The following KANK2 variants were observed in gnomAD, a reference collection of about 807,000 sequenced individuals.
KANK2 encodes KN motif and ankyrin repeat domains 2, also known as KN motif and ankyrin repeat domain-containing protein 2.
In KANK2, 41 loss-of-function variants were observed where a neutral mutation model predicts 74.6. The observed-to-expected ratio is 0.55, with a 90% confidence interval of 0.43 to 0.71. KANK2 has a LOEUF of 0.71. Among genes scored for constraint, KANK2 ranks in the 30% least tolerant of loss-of-function variants. The pLI, the probability that KANK2 is intolerant of heterozygous loss-of-function variation, is 0.00. For missense variants in KANK2, 1,148 were observed against 1,196.4 expected (o/e 0.96, Z 0.60); for synonymous variants, 537 against 519.0 (o/e 1.03, Z -0.47).
intron 9 of KANK2, 72 bp from the exon 10 acceptor site, chr19:11,173,195 A>C: frequency 1.3e-6 from 2 of 1,518,810 alleles, no homozygotes; most frequent in African/African-American, 1.4e-5. Flanking sequence ...CGTGGATACC[A>C]CGTCTCGTCC....
rs762458445 is a variant in KANK2, at chr19:11,170,286, G to A, written c.2212-38C>T. 1.2e-5 allele frequency: 19 copies of A among 1,575,198 alleles called. No individual in the cohort carries two copies. On this transcript the variant is annotated intron_variant, in intron 10 of 12. Transcript: ENST00000586659. The surrounding 1 kb of genome is among the most constrained non-coding windows in gnomAD (Gnocchi z 5.2). ...AGGAACAGGATTATGGTTCATGCAG[G>A]CCCCAGGGCAGGACACCCCCTGGTC...
At chr19:11,174,416 G>C in intron 9 of KANK2, 57 bp downstream of exon 9, 1 of 1,382,250 alleles carries the variant, frequency 7.2e-7, no homozygotes, top group Non-Finnish European at 1.0e-6. Context: ...CTATCAGACT[G>C]GGCATGGCGG....
rs999616001 is a variant in KANK2 at position 11,193,147 on chromosome 19, A to G, written c.933T>C (p.Ala311=). 6.2e-7 allele frequency: 1 copy of G among 1,608,134 alleles called. No homozygotes were observed. The highest frequency in any genetic ancestry group is 8.5e-7 in the Non-Finnish European group (1 of 1,177,494). The change falls in exon 4 of 13, where the codon GCT becomes GCC. Residue 311 remains alanine (A), a synonymous_variant. Coordinates refer to ENST00000586659, the MANE Select transcript of KANK2 (RefSeq NM_001136191.3). This position sits in a 1 kb window ranked among gnomAD's most constrained non-coding sequence, Gnocchi z 9.6. ...GTGGCCAGGCCTGGGGCTGGGGGTC[A>G]GCCTGCCGGGCCTGAGCTGCCTGCA... is the stretch of plus-strand genomic sequence containing the variant. ...QELQAAQARQ[A]DPQPQAWPPP...
At chr19:11,192,794 C>CCA (rs1555820327) in intron 4 of KANK2, 37 bp downstream of exon 4, 1 of 1,593,680 alleles carries the variant, frequency 6.3e-7, no homozygotes, top group Non-Finnish European at 8.6e-7. Flanking sequence ...CCCCCCCCCC[C>CCA]CAAGCCATTC....
chr19:11,180,710 G>A (rs956428481), intron 4 of KANK2, among the ~76,000 whole-genome samples: 9 of 152,054 alleles, frequency 5.9e-5, no homozygotes, highest in East Asian at 1.9e-4. Flanking sequence ...ATAAATTCAC[G>A]TGAAACAAAC....
Position 11,194,863 on chromosome 19 carries a change from T to C in KANK2, c.-79-273A>G, listed in dbSNP as rs182239699. On this transcript the variant is annotated intron_variant, in intron 2 of 12. Transcript: ENST00000586659. ...CTGTTCCCATAGCCCAGCCTCCACA[T>C]AGCCCTGGGGCTGGGGGGCCCCAAG... is the stretch of plus-strand genomic sequence containing the variant. 123 of 207,852 alleles carry C rather than the reference T, an allele frequency of 5.9e-4. 1 individual carries two copies. The highest frequency in any genetic ancestry group is 1.9e-4 in the Admixed American group (4 of 21,296). 12.9% of individuals were successfully genotyped at this position (207,852 alleles called of 1,614,324 possible).
chr19:11,178,768 C>A (rs752433123), intron 4 of KANK2, 48 bp from the exon 5 acceptor site: 16 of 1,467,050 alleles, frequency 1.1e-5, no homozygotes, highest in South Asian at 1.5e-5. Context: ...AAAAGCCAAA[C>A]CACCACAGCC....
intron 4 of KANK2, among the ~76,000 whole-genome samples, chr19:11,186,022 C>A (rs987004655): frequency 6.6e-6 from 1 of 151,886 alleles, no homozygotes; most frequent in Non-Finnish European, 1.5e-5. Flanking sequence ...CACAATGAGA[C>A]CCTGTCTCAA....
intron 6 of KANK2, 99 bp downstream of exon 6, chr19:11,178,246 C>T (rs2078401176): frequency 9.3e-7 from 1 of 1,071,592 alleles, no homozygotes; most frequent in South Asian, 2.0e-5. Flanking sequence ...TTAACCAAAG[C>T]AAGGAGCTCA....
rs756750872 is a variant in KANK2, at chr19:11,170,716, G to A, written c.2212-468C>T. ...GGTGATCCTCCCACCTCAGCCTCCC[G>A]AGTAGCTGAGACTACAGGCATGCGC... On this transcript the variant is annotated intron_variant, in intron 10 of 12. Coordinates refer to ENST00000586659, the MANE Select transcript of KANK2 (RefSeq NM_001136191.3). The surrounding 1 kb of genome is among the most constrained non-coding windows in gnomAD (Gnocchi z 5.2). Among the ~76,000 whole-genome samples the A allele has an allele frequency of 1.3e-5, 2 of 152,146 alleles. No individual in the cohort carries two copies. The highest frequency in any genetic ancestry group is 2.1e-4 in the South Asian group (1 of 4,836).
chr19:11,186,018 G>C (rs2078664476), intron 4 of KANK2, among the ~76,000 whole-genome samples: 1 of 150,374 alleles, frequency 6.7e-6, no homozygotes, highest in Non-Finnish European at 1.5e-5. Flanking sequence ...GTGACACAAT[G>C]AGACCCTGTC....
rs2078149119 is a variant in KANK2, at chr19:11,170,686, G to C, written c.2212-438C>G. Among the ~76,000 whole-genome samples, 2 of 152,116 alleles carry C rather than the reference G, an allele frequency of 1.3e-5. No homozygotes were observed. The highest frequency in any genetic ancestry group is 4.1e-4 in the South Asian group (2 of 4,826). Reference sequence around the variant, plus strand: ...CTCACTGCAGCCTCAACCTCCCCAGGCTCAGGTGATCCTCCCACCTCAGCC... The same window carrying C: ...CTCACTGCAGCCTCAACCTCCCCAGCCTCAGGTGATCCTCCCACCTCAGCC... On this transcript the variant is annotated intron_variant, in intron 10 of 12. Coordinates refer to ENST00000586659, the MANE Select transcript of KANK2 (RefSeq NM_001136191.3). The surrounding 1 kb of genome is among the most constrained non-coding windows in gnomAD (Gnocchi z 5.2).
At chr19:11,186,700 A>T (rs2147547930) in intron 4 of KANK2, among the ~76,000 whole-genome samples, 1 of 151,654 alleles carries the variant, frequency 6.6e-6, no homozygotes, top group South Asian at 2.1e-4. Context: ...ACTCTGTCTC[A>T]AAAAAAAAGA....
rs2078999798 is a variant in KANK2, at chr19:11,195,721, C to CTCTGCGTCTCTCTCCACGTCTCTGTCCT, written c.-207_-180dup. ...TCTGTGTCTCTCCACGTCTCTGTCT[C>CTCTGCGTCTCTCTCCACGTCTCTGTCCT]TCTGCGTCTCTCTCCACGTCTCTGT... is the stretch of plus-strand genomic sequence containing the variant. On this transcript the variant is annotated 5_prime_UTR_variant, in exon 2 of 13. Coordinates refer to ENST00000586659, the MANE Select transcript of KANK2 (RefSeq NM_001136191.3). 2 of 150,622 alleles carry CTCTGCGTCTCTCTCCACGTCTCTGTCCT rather than the reference C, an allele frequency of 1.3e-5. No homozygotes were observed. Among genetic ancestry groups the CTCTGCGTCTCTCTCCACGTCTCTGTCCT allele is most frequent in the Admixed American group, 6.6e-5 (1 of 15,174 alleles). 9.3% of individuals were successfully genotyped at this position (150,622 alleles called of 1,614,324 possible).
intron 4 of KANK2, among the ~76,000 whole-genome samples, chr19:11,180,396 T>G (rs1035446233): frequency 6.6e-6 from 1 of 151,608 alleles, no homozygotes; most frequent in Non-Finnish European, 1.5e-5. Context: ...TGCCCAGCCT[T>G]AAATTTTTTT....
chr19:11,173,413 TCA>T (rs2078235255), intron 9 of KANK2, among the ~76,000 whole-genome samples: 1 of 152,128 alleles, frequency 6.6e-6, no homozygotes, highest in Admixed American at 6.6e-5. Context: ...CCATTTACCC[TCA>T]GACTGGCCCA....
chr19:11,178,867 C>T (rs1461105675), intron 4 of KANK2, 147 bp from the exon 5 acceptor site: 10 of 701,496 alleles, frequency 1.4e-5, no homozygotes, highest in East Asian at 3.4e-5. Context: ...GGAGGGAAAT[C>T]GGATTATTAC....
intron 8 of KANK2, 97 bp from the exon 9 acceptor site, chr19:11,174,789 CT>C (rs1374936081): frequency 1.1e-5 from 11 of 964,036 alleles, no homozygotes; most frequent in African/African-American, 1.6e-5. Context: ...GCGTGGTGCC[CT>C]TGTCCTGGAA....
chr19:11,165,139 G>C lies in KANK2; in HGVS notation c.*1419C>G, dbSNP rs2077996205. 6.6e-6 allele frequency: 1 copy of C among 151,954 alleles called. No homozygotes were observed. Among genetic ancestry groups the C allele is most frequent in the Non-Finnish European group, 1.5e-5 (1 of 68,020 alleles). 9.4% of individuals were successfully genotyped at this position (151,954 alleles called of 1,614,324 possible). A position where few individuals can be genotyped will look rare whatever the true frequency, so the allele number is the denominator to read the frequency against. Reference sequence around the variant, plus strand: ...CAAAACAGGCCATGAAGGAAACTGTGAGTGTCTCTGGCAAGCCCCGTTTCC... The same window carrying C: ...CAAAACAGGCCATGAAGGAAACTGTCAGTGTCTCTGGCAAGCCCCGTTTCC... On this transcript the variant is annotated 3_prime_UTR_variant, in exon 13 of 13. Transcript: ENST00000586659.
Sources: allele counts gnomAD v4.1 joint callset (sites outside exome capture counted in the v4.1 genomes callset), GRCh38; gene constraint gnomAD v4.1.1; non-coding constraint Gnocchi (gnomAD v3.1); transcripts MANE v1.5; gene names NCBI Gene and HGNC (gene_info 2026-07-23, HGNC 2026-07-21).